DPM1: variants seen among roughly 807,000 people sequenced by gnomAD.
DPM1 encodes dolichyl-phosphate mannosyltransferase subunit 1, catalytic.
A neutral mutation model predicts 39.0 loss-of-function variants in DPM1; 27 were observed. The ratio of observed to expected loss-of-function variants is 0.69; its 90% CI spans 0.51 to 0.95. DPM1 has a LOEUF of 0.95. Among genes scored for constraint, DPM1 ranks in the 40% least tolerant of loss-of-function variants. The pLI is 0.00. For synonymous variants in DPM1, 124 were observed against 109.0 expected, an observed-to-expected ratio of 1.14 and a Z score of -0.86; for missense variants, 307 against 315.6, an observed-to-expected ratio of 0.97 and a Z score of 0.21.
intron 5 of DPM1, chr20:50,944,599 C>T (rs1255364955): frequency 6.6e-6 from 1 of 152,154 alleles, no homozygotes; most frequent in Non-Finnish European, 1.5e-5. Context: ...GCTTGAGGGA[C>T]AAGGGAAGGA....
At chr20:50,940,121 T>C (rs1306472503) in intron 7 of DPM1, among the ~76,000 whole-genome samples, 1 of 146,610 alleles carries the variant, frequency 6.8e-6, no homozygotes, top group Non-Finnish European at 1.5e-5. Context: ...TGTGTGTGTG[T>C]GTGTCAATTC....
chr20:50,945,640 G>C, intron 5 of DPM1, 97 bp downstream of exon 5: 1 of 1,125,212 alleles, frequency 8.9e-7, no homozygotes, highest in Non-Finnish European at 1.3e-6. Flanking sequence ...AAAATAGTAT[G>C]TGTATTTTTG....
At chr20:50,945,666 AAAT>A (rs1986237767) in intron 5 of DPM1, 68 bp downstream of exon 5, 6 of 1,339,770 alleles carry the variant, frequency 4.5e-6, no homozygotes, top group Admixed American at 3.9e-5. Context: ...TAAAAAATGA[AAAT>A]AAGCCCAAAA....
intron 5 of DPM1, among the ~76,000 whole-genome samples, chr20:50,945,484 G>A (rs1369078530): frequency 1.3e-5 from 2 of 152,112 alleles, no homozygotes; most frequent in Non-Finnish European, 2.9e-5. Flanking sequence ...GGGACTACAG[G>A]CGCATGCCAT....
intron 1 of DPM1, among the ~76,000 whole-genome samples, chr20:50,958,122 C>T (rs1986933922): frequency 6.6e-6 from 1 of 152,202 alleles, no homozygotes. Flanking sequence ...GACGGGAGTA[C>T]TACATAATAA....
At chr20:50,951,796 AAAT>A (rs1272462008) in intron 2 of DPM1, among the ~76,000 whole-genome samples, 1 of 142,378 alleles carries the variant, frequency 7.0e-6, no homozygotes, top group African/African-American at 3.0e-5. Context: ...CTCAAAAAAA[AAAT>A]AAATAAATAA....
intron 6 of DPM1, 25 bp downstream of exon 6, chr20:50,942,006 A>C (rs1985874204): frequency 6.4e-7 from 1 of 1,564,354 alleles, no homozygotes; most frequent in South Asian, 1.1e-5. Context: ...TATACTAATA[A>C]AGAAGTTGTA....
intron 5 of DPM1, chr20:50,945,284 T>TTTTGTGTGTGTG (rs376140440): frequency 1.9e-5 from 3 of 156,702 alleles, no homozygotes; most frequent in South Asian, 3.6e-4. Flanking sequence ...CAAATGTGTG[T>TTTTGTGTGTGTG]TGTGTGTGTG....
chr20:50,942,243 C>T (rs1027759562), intron 5 of DPM1, 117 bp from the exon 6 acceptor site: 17 of 899,954 alleles, frequency 1.9e-5, no homozygotes, highest in Middle Eastern at 2.3e-4. Flanking sequence ...TGCAGTGGCT[C>T]ACGCCTGCAA....
chr20:50,958,474 A>G lies in DPM1; in HGVS notation c.50T>C (p.Leu17Pro). The G allele has an allele frequency of 5.6e-6, 9 of 1,612,510 alleles. No individual in the cohort carries two copies. Among genetic ancestry groups the G allele is most frequent in the Non-Finnish European group, 6.8e-6 (8 of 1,179,500 alleles). ...GTTCTGTCGTGGACTGCGCACTTCC[A>G]GCTCCCGCCGAGACCTGCGAGGACT... ...SRSPRRSRRELEVRSPRQNKY... is the reference protein window; with the variant it reads ...SRSPRRSRREPEVRSPRQNKY... Residue 17 changes from leucine to proline, a missense_variant, in exon 1 of 9, where the codon CTG becomes CCG. Leu to Pro is a moderately conservative substitution (Grantham distance 98, BLOSUM62 -3). Around this residue, in one of 3 missense-constraint regions of DPM1, gnomAD observed 206 missense variants for 188.2 expected, o/e 1.09. Coordinates refer to ENST00000371588, the MANE Select transcript of DPM1 (RefSeq NM_003859.3).
chr20:50,947,045 C>G (rs1986331204), intron 3 of DPM1, among the ~76,000 whole-genome samples: 1 of 152,192 alleles, frequency 6.6e-6, no homozygotes, highest in African/African-American at 2.4e-5. Context: ...CCCGTCTCTA[C>G]CAAAAATACA....
chr20:50,935,051 G>T lies in DPM1; in HGVS notation c.*81C>A. The T allele has an allele frequency of 1.2e-6, 1 of 821,880 alleles. No individual in the cohort carries two copies. The highest frequency in any genetic ancestry group is 2.1e-6 in the Non-Finnish European group (1 of 482,254). The allele number at this position is 821,880 out of a possible 1,614,324, so 50.9% of individuals were successfully genotyped here. A position where few individuals can be genotyped will look rare whatever the true frequency, so the allele number is the denominator to read the frequency against. ...TTACCTTATATTTTATACTTTAAGAGTACATTTTATACAAATCAGTAACCA... is the reference window on the plus strand; with the variant it reads ...TTACCTTATATTTTATACTTTAAGATTACATTTTATACAAATCAGTAACCA... On this transcript the variant is annotated 3_prime_UTR_variant, in exon 9 of 9. Transcript: ENST00000371588.
chr20:50,948,555 A>G, intron 3 of DPM1, 74 bp downstream of exon 3: 1 of 1,445,100 alleles, frequency 6.9e-7, no homozygotes, highest in Non-Finnish European at 9.7e-7. Context: ...CCTATTCCAA[A>G]CTGGGAAAAT....
intron 1 of DPM1, among the ~76,000 whole-genome samples, chr20:50,956,397 A>G (rs1986821919): frequency 6.6e-6 from 1 of 152,122 alleles, no homozygotes; most frequent in Non-Finnish European, 1.5e-5. Context: ...AGGTCAGGAT[A>G]TCGAGACCAT....
intron 2 of DPM1, among the ~76,000 whole-genome samples, chr20:50,951,547 G>A (rs1986577868): frequency 6.6e-6 from 1 of 152,202 alleles, no homozygotes; most frequent in Non-Finnish European, 1.5e-5. Context: ...CCAGCACTTT[G>A]CGGGGCTGAG....
At chr20:50,946,654 C>T (rs1601045611) in intron 3 of DPM1, among the ~76,000 whole-genome samples, 1 of 152,248 alleles carries the variant, frequency 6.6e-6, no homozygotes. Context: ...CAAAGTCCCA[C>T]AGGGACTTGG....
chr20:50,958,307 C>G (rs1037390381), intron 1 of DPM1, 56 bp downstream of exon 1: 8 of 1,600,470 alleles, frequency 5.0e-6, no homozygotes, highest in Non-Finnish European at 4.2e-6. Context: ...TGCCGACACC[C>G]GGGCCGGGGA....
At chr20:50,943,469 C>T (rs1362442871) in intron 5 of DPM1, among the ~76,000 whole-genome samples, 1 of 150,872 alleles carries the variant, frequency 6.6e-6, no homozygotes, top group African/African-American at 2.4e-5. Context: ...AAGTGATTCT[C>T]CTGCCTCAGC....
At chr20:50,957,257 C>T (rs1986875236) in intron 1 of DPM1, among the ~76,000 whole-genome samples, 1 of 152,158 alleles carries the variant, frequency 6.6e-6, no homozygotes, top group East Asian at 1.9e-4. Context: ...AATGCTCAGG[C>T]GGGCTGGTTG....
Sources: allele counts gnomAD v4.1 joint callset (sites outside exome capture counted in the v4.1 genomes callset), GRCh38; gene constraint gnomAD v4.1.1; regional missense constraint gnomAD v4.1.1; transcripts MANE v1.5; gene names NCBI Gene and HGNC (gene_info 2026-07-23, HGNC 2026-07-21).